Variants in GAREM1 observed in about 807,000 individuals in gnomAD.
GAREM1 encodes the protein GRB2 associated regulator of MAPK1 subtype 1, also known as GRB2-associated and regulator of MAPK protein 1.
GAREM1 carries 26 observed loss-of-function variants against 71.3 expected under a neutral mutation model. The observed-to-expected ratio is 0.36, with a 90% CI of 0.27 to 0.51. The LOEUF (loss-of-function observed/expected upper bound fraction) is 0.51, where lower values mean the gene tolerates loss of function less well. Ranked by LOEUF, GAREM1 falls within the 20% of genes least tolerant of loss-of-function variation. The pLI is 0.95. For synonymous variants in GAREM1, 440 were observed against 433.2 expected (o/e 1.02, Z -0.20); for missense variants, 1,026 against 1,103.1 (o/e 0.93, Z 0.99).
intron 2 of GAREM1, among the ~76,000 whole-genome samples, chr18:32,388,579 A>G (rs1567990967): frequency 6.6e-6 from 1 of 152,232 alleles, no homozygotes; most frequent in Non-Finnish European, 1.5e-5. Flanking sequence ...TAAGGGGCAA[A>G]GGACATCCCT....
intron 5 of GAREM1, among the ~76,000 whole-genome samples, chr18:32,269,387 G>A (rs2041424527): frequency 6.6e-6 from 1 of 152,224 alleles, no homozygotes; most frequent in Non-Finnish European, 1.5e-5. Flanking sequence ...ATGTGGAGCG[G>A]TAGCTTAGGC....
At chr18:32,358,516 T>C (rs2047828631) in intron 2 of GAREM1, among the ~76,000 whole-genome samples, 1 of 152,188 alleles carries the variant, frequency 6.6e-6, no homozygotes, top group Non-Finnish European at 1.5e-5. Context: ...TTCTCTGTTG[T>C]GAAGTATTGA....
At position 32,375,258 on chromosome 18, in the gene GAREM1, G is replaced by A. The variant is rs186302716; in HGVS notation, c.262+17637C>T. Among the ~76,000 whole-genome samples the A allele has an allele frequency of 7.9e-5, 12 of 152,212 alleles. No individual in the cohort carries two copies. The East Asian group carries it at 2.1e-3, about 27-fold the overall frequency. Reference sequence around the variant, plus strand: ...GAGGTTATAAGGCTGGTAAACTGTAGAGGCAAGCACTAGAATCTACCGATT... The same window carrying A: ...GAGGTTATAAGGCTGGTAAACTGTAAAGGCAAGCACTAGAATCTACCGATT... On this transcript the variant is annotated intron_variant, in intron 2 of 5. Coordinates refer to ENST00000269209, the MANE Select transcript of GAREM1 (RefSeq NM_001242409.2).
chr18:32,468,075 T>G (rs2049015106), intron 1 of GAREM1, among the ~76,000 whole-genome samples: 1 of 152,220 alleles, frequency 6.6e-6, no homozygotes. Context: ...ATCACAATGC[T>G]CACGTTGGTG....
At chr18:32,457,202 G>A (rs1320035964) in intron 1 of GAREM1, among the ~76,000 whole-genome samples, 1 of 104,414 alleles carries the variant, frequency 9.6e-6, no homozygotes, top group East Asian at 2.9e-4. Flanking sequence ...GTGTGTGTAG[G>A]GGGGGAGAGA....
chr18:32,288,121 T>C lies in GAREM1; in HGVS notation c.476A>G (p.Gln159Arg). 3.1e-6 allele frequency: 5 copies of C among 1,614,132 alleles called. No individual in the cohort carries two copies. The highest frequency in any genetic ancestry group is 4.2e-6 in the Non-Finnish European group (5 of 1,179,984). The part of the protein sequence containing the change: ...CTGDELTLMG[Q>R]AEILYAKTFK... ...TGTCTTTGCATAAAGGATTTCTGCC[T>C]GCCCCATTAGAGTGAGTTCATCCCC... Residue 159 changes from glutamine (Q) to arginine (R), a missense_variant, in exon 4 of 6, where the codon CAG becomes CGG. Gln to Arg is a conservative substitution (Grantham distance 43, BLOSUM62 1). Coordinates refer to ENST00000269209, the MANE Select transcript of GAREM1 (RefSeq NM_001242409.2).
intron 1 of GAREM1, among the ~76,000 whole-genome samples, chr18:32,441,030 T>C (rs979350579): frequency 6.6e-6 from 1 of 152,156 alleles, no homozygotes; most frequent in African/African-American, 2.4e-5. Flanking sequence ...ATTTAAAAAA[T>C]AGTACCTCTT....
At chr18:32,434,819 C>T (rs1449588848) in intron 1 of GAREM1, among the ~76,000 whole-genome samples, 4 of 151,972 alleles carry the variant, frequency 2.6e-5, no homozygotes, top group Non-Finnish European at 4.4e-5. Flanking sequence ...AAGGTTTAAG[C>T]AAGAACAGGA....
chr18:32,315,449 T>C (rs1388046291), intron 2 of GAREM1, among the ~76,000 whole-genome samples: 1 of 146,852 alleles, frequency 6.8e-6, no homozygotes, highest in African/African-American at 2.5e-5. Context: ...AAAATATATA[T>C]AAAAGTATAT....
chr18:32,381,304 TTTG>T (rs144713973), intron 2 of GAREM1, among the ~76,000 whole-genome samples: 22,567 of 152,004 alleles, frequency 0.15, 1,911 homozygotes, highest in African/African-American at 0.24. Context: ...AAAGAGGTTT[TTTG>T]TTGTTGTTGT....
At chr18:32,357,596 G>A (rs1026468251) in intron 2 of GAREM1, among the ~76,000 whole-genome samples, 3 of 152,220 alleles carry the variant, frequency 2.0e-5, no homozygotes, top group African/African-American at 7.2e-5. Flanking sequence ...TCTGATTGTT[G>A]CATCAGCTCT....
chr18:32,367,937 T>G (rs1339621265), intron 2 of GAREM1, among the ~76,000 whole-genome samples: 1 of 152,214 alleles, frequency 6.6e-6, no homozygotes, highest in African/African-American at 2.4e-5. Flanking sequence ...GACCATGAAA[T>G]GTTTGAGACG....
chr18:32,370,529 TATC>T (rs2047967925), intron 2 of GAREM1, among the ~76,000 whole-genome samples: 1 of 152,230 alleles, frequency 6.6e-6, no homozygotes, highest in African/African-American at 2.4e-5. Context: ...TTAATTTATA[TATC>T]ATATTCCTTT....
chr18:32,357,674 G>T (rs1183360546), intron 2 of GAREM1, among the ~76,000 whole-genome samples: 1 of 152,098 alleles, frequency 6.6e-6, no homozygotes, highest in Non-Finnish European at 1.5e-5. Flanking sequence ...TTATAAAACT[G>T]TTTTATCCTT....
chr18:32,391,495 T>A (rs10502596), intron 2 of GAREM1, among the ~76,000 whole-genome samples: 20,347 of 152,184 alleles, frequency 0.13, 1,580 homozygotes, highest in African/African-American at 0.21. Context: ...TCCTCATAGA[T>A]GAATACAGCA....
At chr18:32,326,182 T>A (rs1327208683) in intron 2 of GAREM1, among the ~76,000 whole-genome samples, 1 of 152,170 alleles carries the variant, frequency 6.6e-6, no homozygotes, top group African/African-American at 2.4e-5. Flanking sequence ...GCAGAAGGTA[T>A]TCAGGGTGGC....
intron 2 of GAREM1, among the ~76,000 whole-genome samples, chr18:32,349,771 T>C (rs571790509): frequency 6.6e-6 from 1 of 152,218 alleles, no homozygotes; most frequent in Non-Finnish European, 1.5e-5. Context: ...GCTTGTAAAC[T>C]GTCAAGCTGT....
chr18:32,321,897 T>A (rs1193549544), intron 2 of GAREM1, among the ~76,000 whole-genome samples: 10 of 152,130 alleles, frequency 6.6e-5, no homozygotes, highest in Admixed American at 3.3e-4. Flanking sequence ...ATATTTCAAT[T>A]TAGGATAATG....
chr18:32,429,094 G>GA (rs1296082891), intron 1 of GAREM1, among the ~76,000 whole-genome samples: 6 of 152,190 alleles, frequency 3.9e-5, no homozygotes, highest in African/African-American at 1.4e-4. Flanking sequence ...GGGGGAGGGG[G>GA]AACGGGCAAG....
Sources: gnomAD v4.1 joint callset for allele counts (sites outside exome capture counted in the v4.1 genomes callset) on GRCh38, gnomAD v4.1.1 for gene constraint, MANE v1.5 for transcripts, NCBI Gene and HGNC (gene_info 2026-07-23, HGNC 2026-07-21) for gene names.